AXIN1: variants seen among roughly 807,000 people sequenced by gnomAD.
AXIN1 encodes the protein axin-1.
A neutral mutation model predicts 76.4 loss-of-function variants in AXIN1; 30 were observed. The ratio of observed to expected loss-of-function variants is 0.39; its 90% confidence interval spans 0.29 to 0.53. The LOEUF is 0.53. Among genes scored for constraint, AXIN1 ranks in the 20% least tolerant of loss-of-function variants. AXIN1 has a pLI of 0.66. For synonymous variants in AXIN1, 545 were observed against 501.4 expected, an observed-to-expected ratio of 1.09 and a Z score of -1.16; for missense variants, 1,140 against 1,198.8, an observed-to-expected ratio of 0.95 and a Z score of 0.72.
rs1214471606 is a variant in AXIN1, at chr16:289,503, A to C, written c.2399T>G (p.Val800Gly). The C allele has an allele frequency of 6.2e-7, 1 of 1,612,886 alleles. No homozygotes were observed. The highest frequency in any genetic ancestry group is 8.5e-7 in the Non-Finnish European group (1 of 1,179,996). The change falls in exon 10 of 11, where the codon GTG becomes GGG. Residue 800 changes from valine to glycine, a missense_variant. Physicochemically the swap from Val to Gly is moderately radical, Grantham distance 109 (BLOSUM62 -3). Around this residue, in one of 3 missense-constraint regions of AXIN1, gnomAD observed 429 missense variants for 405.8 expected, o/e 1.06. Transcript: ENST00000262320. ...GCCCAGGGTGACAGCGCGGCCCCTC[A>C]CCAGGGTGCGGTAGGGGATGGGTTC... ...CGEPIPYRTL[V>G]RGRAVTLGQF...
intron 5 of AXIN1, among the ~76,000 whole-genome samples, chr16:303,799 A>G (rs1265063527): frequency 6.6e-6 from 1 of 152,210 alleles, no homozygotes; most frequent in Admixed American, 6.5e-5. Flanking sequence ...AACTAAGCAA[A>G]GAGTCCTACA....
chr16:303,484 C>T (rs1313013310), intron 5 of AXIN1, among the ~76,000 whole-genome samples: 2 of 151,724 alleles, frequency 1.3e-5, no homozygotes, highest in African/African-American at 2.4e-5. Flanking sequence ...TGGGTTCAAG[C>T]GATTCTCCAG....
At chr16:343,232 A>G (rs1410212728) in intron 2 of AXIN1, among the ~76,000 whole-genome samples, 1 of 152,210 alleles carries the variant, frequency 6.6e-6, no homozygotes, top group African/African-American at 2.4e-5. Context: ...CTAATTTCAT[A>G]GCAAAGGTTC....
In AXIN1 at chr16:301,042, G is replaced by A. The variant is rs570842666; in HGVS notation, c.1255-2791C>T. On this transcript the variant is annotated intron_variant, in intron 5 of 10. Coordinates refer to ENST00000262320, the MANE Select transcript of AXIN1 (RefSeq NM_003502.4). ...TCCCAGCACTTTGGGAGGCCGAGGCGGGTGGATCACAAGGTCGGGAGATCG... is the reference window on the plus strand; with the variant it reads ...TCCCAGCACTTTGGGAGGCCGAGGCAGGTGGATCACAAGGTCGGGAGATCG... Among the ~76,000 whole-genome samples, 45 of 152,012 alleles carry A rather than the reference G, an allele frequency of 3.0e-4. 1 individual carries two copies. In the South Asian group the frequency reaches 7.1e-3, roughly 24 times the overall value.
chr16:327,806 T>C (rs2053614705), intron 2 of AXIN1, among the ~76,000 whole-genome samples: 2 of 152,232 alleles, frequency 1.3e-5, no homozygotes, highest in South Asian at 4.1e-4. Flanking sequence ...AAACAGTGCT[T>C]GGGTGAGGCC....
At chr16:317,123 G>C (rs996746165) in intron 2 of AXIN1, among the ~76,000 whole-genome samples, 2 of 152,164 alleles carry the variant, frequency 1.3e-5, no homozygotes, top group African/African-American at 2.4e-5. Context: ...AGAACCTAGG[G>C]AAAGCCCCAG....
chr16:289,976 G>A (rs937770593), intron 9 of AXIN1: 2 of 381,820 alleles, frequency 5.2e-6, no homozygotes, highest in Non-Finnish European at 1.0e-5. Context: ...CATCTGAAGG[G>A]CAGGGATTGG....
chr16:322,051 G>C (rs985237827), intron 2 of AXIN1, among the ~76,000 whole-genome samples: 2 of 152,232 alleles, frequency 1.3e-5, no homozygotes, highest in Non-Finnish European at 2.9e-5. Flanking sequence ...AATTCCAAGT[G>C]AGCTGGACAT....
intron 10 of AXIN1, among the ~76,000 whole-genome samples, chr16:289,152 G>A (rs1441254722): frequency 4.0e-5 from 6 of 151,718 alleles, no homozygotes; most frequent in Non-Finnish European, 7.4e-5. Context: ...GCAGTGGCGT[G>A]ATCTCAGCTC....
chr16:310,118 C>A, intron 3 of AXIN1, 49 bp from the exon 4 acceptor site: 1 of 1,540,612 alleles, frequency 6.5e-7, no homozygotes, highest in South Asian at 1.2e-5. Context: ...AGCAGGAGGG[C>A]CAGCACCGTG....
chr16:301,112 T>C (rs910434905), intron 5 of AXIN1, among the ~76,000 whole-genome samples: 11 of 151,554 alleles, frequency 7.3e-5, no homozygotes, highest in African/African-American at 2.4e-4. Context: ...CTACTAAAAA[T>C]ACAAAAAAAT....
Position 287,605 on chromosome 16 carries a change from G to A in AXIN1, c.*517C>T. The A allele has an allele frequency of 6.3e-6, 2 of 318,062 alleles. No homozygotes were observed. The highest frequency in any genetic ancestry group is 1.2e-5 in the Non-Finnish European group (2 of 170,136). 19.7% of individuals were successfully genotyped at this position (318,062 alleles called of 1,614,324 possible). A position where few individuals can be genotyped will look rare whatever the true frequency, so the allele number is the denominator to read the frequency against. On this transcript the variant is annotated 3_prime_UTR_variant, in exon 11 of 11. Coordinates refer to ENST00000262320, the MANE Select transcript of AXIN1 (RefSeq NM_003502.4). The stretch of plus-strand genomic sequence containing the variant: ...CCCTCAGAAAGGAGGACCCAGGACT[G>A]CACAGCCGGCGGCTGGAGGCAGGTG...
In AXIN1 at chr16:287,616, G is replaced by C; in HGVS notation, c.*506C>G. Reference sequence around the variant, plus strand: ...GAGGACCCAGGACTGCACAGCCGGCGGCTGGAGGCAGGTGCAGTGCTCCGT... The same window carrying C: ...GAGGACCCAGGACTGCACAGCCGGCCGCTGGAGGCAGGTGCAGTGCTCCGT... On this transcript the variant is annotated 3_prime_UTR_variant, in exon 11 of 11. Transcript: ENST00000262320. The C allele has an allele frequency of 3.2e-6, 1 of 311,818 alleles. No homozygotes were observed. Among genetic ancestry groups the C allele is most frequent in the South Asian group, 6.0e-5 (1 of 16,548 alleles). The allele number at this position is 311,818 out of a possible 1,614,324, so 19.3% of individuals were successfully genotyped here.
intron 4 of AXIN1, among the ~76,000 whole-genome samples, chr16:308,037 G>A (rs996627777): frequency 4.6e-5 from 7 of 152,210 alleles, no homozygotes; most frequent in Admixed American, 3.3e-4. Context: ...CAGAGCCTCC[G>A]ATGAGGTTGT....
intron 7 of AXIN1, among the ~76,000 whole-genome samples, chr16:295,748 G>C (rs1011567966): frequency 6.6e-6 from 1 of 151,514 alleles, no homozygotes; most frequent in East Asian, 1.9e-4. Context: ...GATCACCAAA[G>C]GTTGGGAGTT....
chr16:312,330 T>TA (rs1410902647), intron 3 of AXIN1, among the ~76,000 whole-genome samples: 2 of 152,326 alleles, frequency 1.3e-5, no homozygotes, highest in Non-Finnish European at 2.9e-5. Context: ...TCCAAATTGT[T>TA]AAACACTTCA....
intron 3 of AXIN1, 139 bp downstream of exon 3, chr16:314,404 G>T: frequency 1.5e-6 from 2 of 1,328,820 alleles, no homozygotes; most frequent in Non-Finnish European, 2.1e-6. Context: ...AGCAGGGTGG[G>T]ACTTACACGC....
At chr16:303,290 G>C (rs1232983522) in intron 5 of AXIN1, among the ~76,000 whole-genome samples, 1 of 152,230 alleles carries the variant, frequency 6.6e-6, no homozygotes, top group African/African-American at 2.4e-5. Context: ...TTGCAGCGGG[G>C]AGGAGCCAGG....
intron 2 of AXIN1, among the ~76,000 whole-genome samples, chr16:340,970 G>A (rs1398233227): frequency 2.0e-5 from 3 of 152,368 alleles, no homozygotes; most frequent in East Asian, 3.9e-4. Flanking sequence ...CAGCCCCACC[G>A]CAGGGGATGA....
Sources: gnomAD v4.1 joint callset for allele counts (sites outside exome capture counted in the v4.1 genomes callset) on GRCh38, gnomAD v4.1.1 for gene constraint, gnomAD v4.1.1 regional missense constraint, MANE v1.5 for transcripts, NCBI Gene and HGNC (gene_info 2026-07-23, HGNC 2026-07-21) for gene names.